Variants in SHISA9 observed in about 807,000 individuals in gnomAD.
SHISA9 encodes the protein protein shisa-9.
In SHISA9, 13 loss-of-function variants were observed where a neutral mutation model predicts 38.0. The observed-to-expected ratio is 0.34, with a 90% CI of 0.22 to 0.54. The LOEUF is 0.54. SHISA9 is among the 20% of genes least tolerant of loss of function. The pLI is 0.91. For missense variants in SHISA9, 538 were observed against 575.8 expected, an observed-to-expected ratio of 0.93 and a Z score of 0.67; for synonymous variants, 275 against 242.0, an observed-to-expected ratio of 1.14 and a Z score of -1.27.
intron 2 of SHISA9, among the ~76,000 whole-genome samples, chr16:12,930,377 G>A (rs964394141): frequency 3.9e-5 from 6 of 152,172 alleles, no homozygotes; most frequent in African/African-American, 1.4e-4. Flanking sequence ...AAGAGTTGTT[G>A]CATACATTTA....
intron 2 of SHISA9, among the ~76,000 whole-genome samples, chr16:13,069,922 C>T (rs57609654): frequency 0.023 from 3,552 of 152,144 alleles, 142 homozygotes; most frequent in African/African-American, 0.081. Flanking sequence ...ACCTAATCTG[C>T]CAGCACTTTA....
intron 2 of SHISA9, among the ~76,000 whole-genome samples, chr16:13,167,576 G>C (rs1480752283): frequency 6.6e-6 from 1 of 152,106 alleles, no homozygotes; most frequent in Non-Finnish European, 1.5e-5. Flanking sequence ...TGGATGATGG[G>C]GGCCATGCCT....
At chr16:13,399,969 TG>T in the SHISA9 span, among the ~76,000 whole-genome samples, 1 of 152,214 alleles carries the variant, frequency 6.6e-6, no homozygotes, top group African/African-American at 2.4e-5. Context: ...GCACAGGGGT[TG>T]CCATTTTGCC....
chr16:13,243,112 T>C (rs1399545781), downstream of SHISA9, among the ~76,000 whole-genome samples: 2 of 151,842 alleles, frequency 1.3e-5, no homozygotes, highest in East Asian at 3.9e-4. Flanking sequence ...GGTGGCATGC[T>C]CCTGTAGTCC....
At chr16:13,330,047 C>T in the SHISA9 span, among the ~76,000 whole-genome samples, 1 of 152,246 alleles carries the variant, frequency 6.6e-6, no homozygotes, top group Non-Finnish European at 1.5e-5. Flanking sequence ...TTACTCATCT[C>T]TGCAGCACAG....
chr16:12,932,195 G>T (rs1596536060), intron 2 of SHISA9, among the ~76,000 whole-genome samples: 1 of 152,118 alleles, frequency 6.6e-6, no homozygotes, highest in Non-Finnish European at 1.5e-5. Context: ...CCAGTCTCAG[G>T]TATGTCTTTA....
chr16:13,334,362 T>A, the SHISA9 span, among the ~76,000 whole-genome samples: 1 of 152,188 alleles, frequency 6.6e-6, no homozygotes, highest in African/African-American at 2.4e-5. Flanking sequence ...AGCAACCTGC[T>A]CTTGATTTGA....
chr16:13,090,362 A>G (rs1162530138), intron 2 of SHISA9, among the ~76,000 whole-genome samples: 1 of 152,070 alleles, frequency 6.6e-6, no homozygotes, highest in Non-Finnish European at 1.5e-5. Context: ...ATCCTCGTTA[A>G]CCTTCTGTCT....
the SHISA9 span, among the ~76,000 whole-genome samples, chr16:13,410,183 T>C: frequency 1.3e-5 from 2 of 152,234 alleles, no homozygotes; most frequent in Non-Finnish European, 2.9e-5. Context: ...TTGAAGTTGA[T>C]TTTTAGTATG....
chr16:13,232,462 A>T (rs945095303), intron 4 of SHISA9, among the ~76,000 whole-genome samples: 3 of 152,212 alleles, frequency 2.0e-5, no homozygotes, highest in African/African-American at 7.2e-5. Flanking sequence ...AAAAGAAAAG[A>T]AAGTGTTGAT....
chr16:13,225,138 G>A (rs1047762912), intron 4 of SHISA9, among the ~76,000 whole-genome samples: 8 of 152,238 alleles, frequency 5.3e-5, no homozygotes, highest in African/African-American at 1.4e-4. Context: ...ATGGCCACGT[G>A]AAGTCCAAGG....
chr16:13,288,772 A>C, the SHISA9 span, among the ~76,000 whole-genome samples: 2 of 152,146 alleles, frequency 1.3e-5, no homozygotes, highest in African/African-American at 4.8e-5. Context: ...GCTTGGTGAC[A>C]GAGCAAGACT....
the SHISA9 span, among the ~76,000 whole-genome samples, chr16:13,523,038 C>A: frequency 6.6e-6 from 1 of 152,040 alleles, no homozygotes; most frequent in Non-Finnish European, 1.5e-5. Flanking sequence ...AGGGGATAGA[C>A]TTGTCATTTA....
chr16:13,323,750 T>C, the SHISA9 span, among the ~76,000 whole-genome samples: 5 of 152,180 alleles, frequency 3.3e-5, no homozygotes, highest in African/African-American at 1.2e-4. Flanking sequence ...CCATCAGATC[T>C]TGTGAGAATT....
chr16:13,292,394 A>G, the SHISA9 span, among the ~76,000 whole-genome samples: 1 of 151,924 alleles, frequency 6.6e-6, no homozygotes, highest in Non-Finnish European at 1.5e-5. Context: ...TTCCTACCTC[A>G]CCTCTTGAAA....
intron 2 of SHISA9, among the ~76,000 whole-genome samples, chr16:13,029,472 G>A (rs775598828): frequency 6.6e-6 from 1 of 152,228 alleles, no homozygotes; most frequent in Non-Finnish European, 1.5e-5. Flanking sequence ...ACTGGACGTG[G>A]TGGCACACGC....
Position 13,198,947 on chromosome 16 carries a change from C to A in SHISA9, c.692-4447C>A, listed in dbSNP as rs995094376. ...TTATATTAAGTAACTACTCACTGCC[C>A]CTGAGGTGTCTCAGGACTTGGGATA... On this transcript the variant is annotated intron_variant, in intron 2 of 4. Coordinates refer to ENST00000558583, the MANE Select transcript of SHISA9 (RefSeq NM_001145204.3). Among the ~76,000 whole-genome samples the A allele has an allele frequency of 2.0e-5, 3 of 152,172 alleles. No homozygotes were observed. In the East Asian group the frequency reaches 5.8e-4, roughly 29 times the overall value.
chr16:13,285,480 T>G, the SHISA9 span, among the ~76,000 whole-genome samples: 1 of 149,618 alleles, frequency 6.7e-6, no homozygotes, highest in South Asian at 2.1e-4. Context: ...TTTTTTTTTT[T>G]TTTTTTTTAT....
chr16:13,523,698 G>T, the SHISA9 span, among the ~76,000 whole-genome samples: 5 of 152,074 alleles, frequency 3.3e-5, no homozygotes, highest in African/African-American at 1.2e-4. Flanking sequence ...ACACCAAGGG[G>T]GATAGTGCTA....
Sources: allele counts gnomAD v4.1 joint callset (sites outside exome capture counted in the v4.1 genomes callset), GRCh38; gene constraint gnomAD v4.1.1; transcripts MANE v1.5; gene names NCBI Gene and HGNC (gene_info 2026-07-23, HGNC 2026-07-21).